Variants in FRMD5 observed in about 807,000 individuals in gnomAD.
FRMD5 encodes FERM domain-containing protein 5.
A neutral mutation model predicts 69.0 loss-of-function variants in FRMD5; 20 were observed. The ratio of observed to expected loss-of-function variants is 0.29; its 90% CI spans 0.20 to 0.42. The LOEUF (loss-of-function observed/expected upper bound fraction) is 0.42. Among genes scored for constraint, FRMD5 ranks in the 10% least tolerant of loss-of-function variants. FRMD5 has a pLI of 1.00. For synonymous variants in FRMD5, 271 were observed against 260.1 expected, an observed-to-expected ratio of 1.04 and a Z score of -0.40; for missense variants, 595 against 708.6, an observed-to-expected ratio of 0.84 and a Z score of 1.82.
chr15:43,923,944 G>T (rs989393474), intron 2 of FRMD5, among the ~76,000 whole-genome samples: 2 of 152,210 alleles, frequency 1.3e-5, no homozygotes, highest in East Asian at 3.9e-4. Context: ...CAGCCCAGCT[G>T]CTCTGCCTCC....
In FRMD5 at chr15:43,873,992, G is replaced by C. The variant is rs1239197787; in HGVS notation, c.1606C>G (p.Arg536Gly). Reference protein sequence around the residue: ...DLDIAFFRDIRQTPEFEQFHY... With the variant: ...DLDIAFFRDIGQTPEFEQFHY... Reference sequence around the variant, plus strand: ...AATTGTTCAAACTCGGGGGTCTGGCGGATATCACGGAAAAAGGCAATGTCA... The same window carrying C: ...AATTGTTCAAACTCGGGGGTCTGGCCGATATCACGGAAAAAGGCAATGTCA... The change falls in exon 14 of 14, where the codon CGC becomes GGC. Residue 536 changes from arginine to glycine, a missense_variant. By Grantham distance (125) the Arg-to-Gly change is moderately radical. Coordinates refer to ENST00000417257, the MANE Select transcript of FRMD5 (RefSeq NM_032892.5). 1 of 1,614,134 alleles carries C rather than the reference G, an allele frequency of 6.2e-7. No individual in the cohort carries two copies.
In FRMD5 at chr15:43,946,666, T is replaced by C. The variant is rs899896430; in HGVS notation, c.103-22357A>G. On this transcript the variant is annotated intron_variant, in intron 1 of 13. Coordinates refer to ENST00000417257, the MANE Select transcript of FRMD5 (RefSeq NM_032892.5). ...TGTTCAGGAGAGAAGGTTTGGGATC[T>C]GGGTCGTTGAGGGAAGAAGTTTAAT... is the stretch of plus-strand genomic sequence containing the variant. Among the ~76,000 whole-genome samples, 4 of 152,182 alleles carry C rather than the reference T, an allele frequency of 2.6e-5. No homozygotes were observed. In the South Asian group the frequency reaches 6.2e-4, roughly 24 times the overall value.
intron 1 of FRMD5, among the ~76,000 whole-genome samples, chr15:44,004,538 T>A (rs1478562089): frequency 1.3e-5 from 2 of 152,222 alleles, no homozygotes; most frequent in Admixed American, 6.5e-5. Context: ...TGATCTGTGA[T>A]CCTTAATGTT....
At chr15:43,876,935 C>G (rs1348376872) in intron 13 of FRMD5, among the ~76,000 whole-genome samples, 1 of 152,078 alleles carries the variant, frequency 6.6e-6, no homozygotes, top group East Asian at 1.9e-4. Flanking sequence ...CTAAAACTAC[C>G]CATTATCTCT....
At chr15:44,160,180 C>T (rs1172608737) in intron 1 of FRMD5, among the ~76,000 whole-genome samples, 2 of 152,166 alleles carry the variant, frequency 1.3e-5, no homozygotes, top group South Asian at 4.1e-4. Flanking sequence ...ATGGTTAAAC[C>T]CTGTCTCTAC....
chr15:44,116,251 T>G (rs1466302565), intron 1 of FRMD5, among the ~76,000 whole-genome samples: 1 of 150,820 alleles, frequency 6.6e-6, no homozygotes, highest in East Asian at 1.9e-4. Flanking sequence ...AGGGAGAGTT[T>G]TGTTTTGTTT....
At chr15:43,910,549 G>A (rs1353039756) in intron 4 of FRMD5, among the ~76,000 whole-genome samples, 1 of 138,910 alleles carries the variant, frequency 7.2e-6, no homozygotes, top group East Asian at 2.2e-4. Context: ...ACTCTAGCCT[G>A]GGCAATCGGA....
chr15:44,077,010 T>C (rs947735543), intron 1 of FRMD5, among the ~76,000 whole-genome samples: 1 of 151,998 alleles, frequency 6.6e-6, no homozygotes, highest in Admixed American at 6.6e-5. Context: ...TATAGACTGC[T>C]ATAGGGAAAT....
chr15:44,009,981 C>G (rs1261643376), intron 1 of FRMD5, among the ~76,000 whole-genome samples: 1 of 152,176 alleles, frequency 6.6e-6, no homozygotes, highest in East Asian at 1.9e-4. Flanking sequence ...TTAGACAGAG[C>G]ACAGAGGCTA....
At chr15:43,879,666 C>T (rs2088468850) in intron 13 of FRMD5, 1 of 399,130 alleles carries the variant, frequency 2.5e-6, no homozygotes, top group South Asian at 1.3e-4. Context: ...CAGACTCTTC[C>T]CCATGGTGGC....
intron 13 of FRMD5, among the ~76,000 whole-genome samples, chr15:43,883,214 C>T (rs1328708688): frequency 2.0e-5 from 3 of 152,130 alleles, no homozygotes; most frequent in Admixed American, 6.6e-5. Flanking sequence ...AGTCTCCTAC[C>T]TCAGCCCCCC....
chr15:44,057,106 C>T (rs1892899061), intron 1 of FRMD5, among the ~76,000 whole-genome samples: 1 of 150,494 alleles, frequency 6.6e-6, no homozygotes, highest in African/African-American at 2.4e-5. Flanking sequence ...AGATAAATTC[C>T]CTCTCCCTCT....
At chr15:44,100,002 GC>G (rs2076613790) in intron 1 of FRMD5, among the ~76,000 whole-genome samples, 1 of 150,122 alleles carries the variant, frequency 6.7e-6, no homozygotes, top group Middle Eastern at 3.2e-3. Flanking sequence ...CCACACAAAA[GC>G]TGAAATCCAG....
intron 1 of FRMD5, among the ~76,000 whole-genome samples, chr15:44,150,254 G>A (rs1477261999): frequency 6.6e-6 from 1 of 152,086 alleles, no homozygotes; most frequent in African/African-American, 2.4e-5. Context: ...ACAAGGCAAG[G>A]ATGCCTACTC....
intron 1 of FRMD5, among the ~76,000 whole-genome samples, chr15:44,000,226 G>T (rs918503020): frequency 6.6e-5 from 10 of 151,658 alleles, no homozygotes; most frequent in African/African-American, 1.7e-4. Context: ...GAGCTCAAGT[G>T]ATCCTCCTGC....
chr15:43,960,192 C>T (rs1333102331), intron 1 of FRMD5, among the ~76,000 whole-genome samples: 1 of 151,976 alleles, frequency 6.6e-6, no homozygotes, highest in Non-Finnish European at 1.5e-5. Context: ...GGGTTCATGC[C>T]ATTCTCCTGC....
chr15:43,906,651 G>C (rs903231975), intron 5 of FRMD5, among the ~76,000 whole-genome samples: 20 of 151,978 alleles, frequency 1.3e-4, no homozygotes, highest in Admixed American at 8.5e-4. Flanking sequence ...GCCCAGGCTG[G>C]AGTGCAGTGG....
Position 43,975,030 on chromosome 15 carries a change from T to C in FRMD5, c.103-50721A>G, listed in dbSNP as rs150576419. 2.3e-3 allele frequency among the ~76,000 whole-genome samples: 355 copies of C among 152,336 alleles called. 3 individuals are homozygous for C. Among genetic ancestry groups the C allele is most frequent in the African/African-American group, 8.2e-3 (339 of 41,570 alleles). On this transcript the variant is annotated intron_variant, in intron 1 of 13. Coordinates refer to ENST00000417257, the MANE Select transcript of FRMD5 (RefSeq NM_032892.5). The stretch of plus-strand genomic sequence containing the variant: ...ATGCGGAATTGTCTCTCTCTTCTAA[T>C]GTGCTCAGCTGGAACAGAATCGCAG...
chr15:43,958,070 T>G (rs2090142132), intron 1 of FRMD5, among the ~76,000 whole-genome samples: 1 of 152,230 alleles, frequency 6.6e-6, no homozygotes, highest in Non-Finnish European at 1.5e-5. Flanking sequence ...AATCTGAATT[T>G]TGTCTTTCAG....
Sources: allele counts gnomAD v4.1 joint callset (sites outside exome capture counted in the v4.1 genomes callset), GRCh38; gene constraint gnomAD v4.1.1; transcripts MANE v1.5; gene names NCBI Gene and HGNC (gene_info 2026-07-23, HGNC 2026-07-21).